Variants in DICER1 observed in about 807,000 individuals in gnomAD.
DICER1 encodes the protein dicer 1, ribonuclease III.
In DICER1, 43 loss-of-function variants were observed where a neutral mutation model predicts 194.1. That is an observed-to-expected ratio of 0.22 (90% CI 0.17 to 0.29). The LOEUF is 0.29. DICER1 is among the 10% of genes least tolerant of loss of function. The pLI is 1.00. For missense variants in DICER1, 1,608 were observed against 2,317.0 expected, an observed-to-expected ratio of 0.69 and a Z score of 6.28; for synonymous variants, 832 against 820.5, an observed-to-expected ratio of 1.01 and a Z score of -0.24.
rs759550674 is a variant in DICER1, at chr14:95,107,938, T to C, written c.2592A>G (p.Ala864=). Reference sequence around the variant, plus strand: ...CAGCGTCTGTAGGTTTAAATTCTAGTGCAGGTTTTTCAAGCCGAAGAATAT... The same window carrying C: ...CAGCGTCTGTAGGTTTAAATTCTAGCGCAGGTTTTTCAAGCCGAAGAATAT... ...FSHILRLEKP[A]LEFKPTDADS... is the part of the protein sequence containing the mutation. The change falls in exon 16 of 27, where the codon GCA becomes GCG. Residue 864 remains alanine (A), a synonymous_variant. Transcript: ENST00000343455. 5 of 1,613,958 alleles carry C rather than the reference T, an allele frequency of 3.1e-6. No homozygotes were observed. Among genetic ancestry groups the C allele is most frequent in the Admixed American group, 1.7e-5 (1 of 60,002 alleles).
Position 95,103,801 on chromosome 14 carries a change from C to T in DICER1, c.3595G>A (p.Gly1199Arg), listed in dbSNP as rs2139964491. Residue 1199 changes from glycine (G) to arginine (R), a missense_variant, in exon 21 of 27, where the codon GGA becomes AGA. Gly to Arg is a moderately radical substitution (Grantham distance 125). Around this residue, in one of 10 missense-constraint regions of DICER1, gnomAD observed 222 missense variants for 215.5 expected, o/e 1.03. Coordinates refer to ENST00000343455, the MANE Select transcript of DICER1 (RefSeq NM_177438.3). The stretch of plus-strand genomic sequence containing the variant: ...TGCTTGTAGTAATTTAGCTGATTTC[C>T]TTGGCAAAAGTCTCTGTTAGCTAAA... The part of the protein sequence containing the change: ...YDLANRDFCQ[G>R]NQLNYYKQEI... 1 of 1,614,092 alleles carries T rather than the reference C, an allele frequency of 6.2e-7. No homozygotes were observed. Among genetic ancestry groups the T allele is most frequent in the Non-Finnish European group, 8.5e-7 (1 of 1,180,020 alleles).
intron 7 of DICER1, among the ~76,000 whole-genome samples, chr14:95,125,087 A>C (rs886970156): frequency 2.0e-5 from 3 of 152,210 alleles, no homozygotes; most frequent in Non-Finnish European, 4.4e-5. Flanking sequence ...CCAGCATTAT[A>C]TGTTTTCCAC....
intron 11 of DICER1, 42 bp from the exon 12 acceptor site, chr14:95,113,266 G>T: frequency 6.3e-7 from 1 of 1,586,622 alleles, no homozygotes; most frequent in East Asian, 2.2e-5. Flanking sequence ...CTACAACTGA[G>T]AAAATATTGA....
In DICER1 at chr14:95,133,297, T is replaced by C. The variant is rs781039584; in HGVS notation, c.144+18A>G. 4.3e-6 allele frequency: 7 copies of C among 1,612,846 alleles called. No individual in the cohort carries two copies. The highest frequency in any genetic ancestry group is 1.1e-5 in the South Asian group (1 of 91,022). On this transcript the variant is annotated intron_variant, in intron 2 of 26. Transcript: ENST00000343455. Reference sequence around the variant, plus strand: ...ATTTTAGTGTAGAATGCTCCAGTATTAGTGTTCGCATTAGTACCTGATATT... The same window carrying C: ...ATTTTAGTGTAGAATGCTCCAGTATCAGTGTTCGCATTAGTACCTGATATT...
rs1060503621 is a variant in DICER1, at chr14:95,108,481, C to T, written c.2279G>A (p.Ser760Asn). Residue 760 changes from serine (S) to asparagine (N), a missense_variant, in exon 15 of 27, where the codon AGT becomes AAT. By Grantham distance (46) the Ser-to-Asn change is conservative (BLOSUM62 1). Around this residue, in one of 10 missense-constraint regions of DICER1, gnomAD observed 657 missense variants for 910.1 expected, o/e 0.72. Transcript: ENST00000343455. The part of the protein sequence containing the change: ...PKAIPECLRD[S>N]YPRPDQPCYL... ...ACAGGGCTGATCAGGTCTGGGATAA[C>T]TATCCCTCAAACACTCTGGAATCTA... 6.2e-7 allele frequency: 1 copy of T among 1,614,092 alleles called. No homozygotes were observed. Among genetic ancestry groups the T allele is most frequent in the South Asian group, 1.1e-5 (1 of 91,084 alleles).
chr14:95,129,969 A>T (rs1307027523), intron 5 of DICER1, 89 bp downstream of exon 5: 88 of 1,216,148 alleles, frequency 7.2e-5, no homozygotes, highest in Non-Finnish European at 9.4e-5. Context: ...ATTGATAACT[A>T]ATATTATTGC....
rs878855238 is a variant in DICER1, at chr14:95,124,491, C to T, written c.1081G>A (p.Glu361Lys). 14 of 1,613,978 alleles carry T rather than the reference C, an allele frequency of 8.7e-6. No homozygotes were observed. Among genetic ancestry groups the T allele is most frequent in the Non-Finnish European group, 1.2e-5 (14 of 1,180,034 alleles). Residue 361 changes from glutamate to lysine, a missense_variant, in exon 8 of 27, where the codon GAG becomes AAG. By Grantham distance (56) the Glu-to-Lys change is moderately conservative (BLOSUM62 1). This residue lies in a region of DICER1 where 657 missense variants were observed against 910.1 expected (regional missense o/e 0.72). Transcript: ENST00000343455. This position sits in a 1 kb window ranked among gnomAD's most constrained non-coding sequence, Gnocchi z 4.5. The stretch of plus-strand genomic sequence containing the variant: ...TCAAGTGAGGCAGGTGAGAAGTGCT[C>T]TTCACATAGTGCATGTATTTTCCTT... ...FLRKIHALCE[E>K]HFSPASLDLK...
chr14:95,150,879 A>G (rs1749440259), intron 1 of DICER1, among the ~76,000 whole-genome samples: 1 of 152,180 alleles, frequency 6.6e-6, no homozygotes, highest in African/African-American at 2.4e-5. Context: ...CGGGGGAAAG[A>G]GGGGAACAGA....
intron 24 of DICER1, among the ~76,000 whole-genome samples, chr14:95,093,057 T>C (rs1407280984): frequency 6.6e-6 from 1 of 152,176 alleles, no homozygotes; most frequent in Non-Finnish European, 1.5e-5. Context: ...ATTTTTGTCA[T>C]AGAAAGTCAC....
In DICER1 at chr14:95,088,987, G is replaced by A. The variant is rs772627761; in HGVS notation, c.*1511C>T. The A allele has an allele frequency of 2.6e-5, 6 of 233,286 alleles. No individual in the cohort carries two copies. The highest frequency in any genetic ancestry group is 4.2e-5 in the Non-Finnish European group (5 of 118,008). The allele number at this position is 233,286 out of a possible 1,614,324, so 14.5% of individuals were successfully genotyped here. ...GCAAACCTCTACTGGTATGTTGATG[G>A]GAGTGCAAGACTGACCCACAGCTTT... On this transcript the variant is annotated 3_prime_UTR_variant, in exon 27 of 27. Coordinates refer to ENST00000343455, the MANE Select transcript of DICER1 (RefSeq NM_177438.3).
chr14:95,104,020 T>C lies in DICER1; in HGVS notation c.3376A>G (p.Thr1126Ala), dbSNP rs1296404230. 6.2e-7 allele frequency: 1 copy of C among 1,614,200 alleles called. No homozygotes were observed. Among genetic ancestry groups the C allele is most frequent in the Non-Finnish European group, 8.5e-7 (1 of 1,180,022 alleles). The change falls in exon 21 of 27, where the codon ACA (threonine) becomes GCA (alanine). Residue 1126 changes from threonine (T) to alanine (A), a missense_variant. Physicochemically the swap from Thr to Ala is moderately conservative, Grantham distance 58 (BLOSUM62 0). Around this residue, in one of 10 missense-constraint regions of DICER1, gnomAD observed 222 missense variants for 215.5 expected, o/e 1.03. Coordinates refer to ENST00000343455, the MANE Select transcript of DICER1 (RefSeq NM_177438.3). ...AENDNYCKHS[T>A]IVPENAAHQG... Reference sequence around the variant, plus strand: ...TGTGCAGCATTTTCAGGGACAATTGTGCTGTGCTTACAGTAATTATCATTT... The same window carrying C: ...TGTGCAGCATTTTCAGGGACAATTGCGCTGTGCTTACAGTAATTATCATTT...
chr14:95,122,395 G>A lies in DICER1; in HGVS notation c.1376+1801C>T, dbSNP rs573826337. ...AGACGGGGAGTATGTCCATAACTAG[G>A]CTTACAACTGCGCCAGCATTAAACT... is the stretch of plus-strand genomic sequence containing the variant. On this transcript the variant is annotated intron_variant, in intron 8 of 26. Transcript: ENST00000343455. Among the ~76,000 whole-genome samples, 244 of 152,206 alleles carry A rather than the reference G, an allele frequency of 1.6e-3. 1 individual carries two copies. Among genetic ancestry groups the A allele is most frequent in the African/African-American group, 5.7e-3 (235 of 41,516 alleles).
At chr14:95,111,776 A>G (rs918412119) in intron 13 of DICER1, among the ~76,000 whole-genome samples, 9 of 144,620 alleles carry the variant, frequency 6.2e-5, no homozygotes, top group African/African-American at 1.3e-4. Flanking sequence ...CAGGATTGAG[A>G]AAAAAAAAAA....
upstream of DICER1, chr14:95,157,694 T>C (rs1418934471): frequency 6.6e-6 from 1 of 152,286 alleles, no homozygotes; most frequent in African/African-American, 2.4e-5. Context: ...CGGAGAGGCG[T>C]TTGCGGCCCA....
chr14:95,136,638 T>G (rs1277382398), intron 1 of DICER1: 1 of 152,254 alleles, frequency 6.6e-6, no homozygotes, highest in African/African-American at 2.4e-5. Context: ...GCCAGAGGAA[T>G]TGGTTCATGC....
chr14:95,131,428 A>C, intron 4 of DICER1, 81 bp downstream of exon 4: 7 of 1,391,016 alleles, frequency 5.0e-6, no homozygotes, highest in Non-Finnish European at 7.1e-6. Flanking sequence ...TAAATCAGAC[A>C]ACCAAGGCTA....
rs1465946163 is a variant in DICER1 at position 95,088,549 on chromosome 14, A to G, written c.*1949T>C. On this transcript the variant is annotated 3_prime_UTR_variant, in exon 27 of 27. Coordinates refer to ENST00000343455, the MANE Select transcript of DICER1 (RefSeq NM_177438.3). The stretch of plus-strand genomic sequence containing the variant: ...AAGAATTGCTTTGTTTTAACTGGTC[A>G]TATCTTACATTAAGGTTTTTTAAAA... The G allele has an allele frequency of 4.3e-6, 1 of 232,138 alleles. No homozygotes were observed. The highest frequency in any genetic ancestry group is 8.5e-6 in the Non-Finnish European group (1 of 117,408). 14.4% of individuals were successfully genotyped at this position (232,138 alleles called of 1,614,324 possible). A position where few individuals can be genotyped will look rare whatever the true frequency, so the allele number is the denominator to read the frequency against.
Position 95,088,569 on chromosome 14 carries a change from T to C in DICER1, c.*1929A>G, listed in dbSNP as rs1889524799. 8.6e-6 allele frequency: 2 copies of C among 232,042 alleles called. No homozygotes were observed. The highest frequency in any genetic ancestry group is 1.8e-4 in the South Asian group (1 of 5,530). 14.4% of individuals were successfully genotyped at this position (232,042 alleles called of 1,614,324 possible). On this transcript the variant is annotated 3_prime_UTR_variant, in exon 27 of 27. Transcript: ENST00000343455. Reference sequence around the variant, plus strand: ...TGGTCATATCTTACATTAAGGTTTTTTAAAAAATCAAATAGACATCTAAGG... The same window carrying C: ...TGGTCATATCTTACATTAAGGTTTTCTAAAAAATCAAATAGACATCTAAGG...
Position 95,124,635 on chromosome 14 carries a change from G to T in DICER1, c.937C>A (p.Leu313Met). 1 of 1,613,494 alleles carries T rather than the reference G, an allele frequency of 6.2e-7. No individual in the cohort carries two copies. The highest frequency in any genetic ancestry group is 8.5e-7 in the Non-Finnish European group (1 of 1,179,972). Residue 313 changes from leucine (L) to methionine (M), a missense_variant, in exon 8 of 27, where the codon CTG (leucine) becomes ATG (methionine). Coordinates refer to ENST00000343455, the MANE Select transcript of DICER1 (RefSeq NM_177438.3). The surrounding 1 kb of genome is among the most constrained non-coding windows in gnomAD (Gnocchi z 4.5). Reference protein sequence around the residue: ...LSDCRAVLVVLGPWCADKVAG... With the variant: ...LSDCRAVLVVMGPWCADKVAG... The stretch of plus-strand genomic sequence containing the variant: ...ACTTTATCTGCACACCAGGGTCCCA[G>T]AACTACCAATACGGCACGACAGTCT...
Sources: gnomAD v4.1 joint callset for allele counts (sites outside exome capture counted in the v4.1 genomes callset) on GRCh38, gnomAD v4.1.1 for gene constraint, gnomAD v4.1.1 regional missense constraint, Gnocchi (gnomAD v3.1) non-coding constraint, MANE v1.5 for transcripts, NCBI Gene and HGNC (gene_info 2026-07-23, HGNC 2026-07-21) for gene names.